Variants in NLK observed in about 807,000 individuals in gnomAD.
NLK encodes serine/threonine-protein kinase NLK.
A neutral mutation model predicts 59.0 loss-of-function variants in NLK; 11 were observed. That is an observed-to-expected ratio of 0.19 (90% CI 0.12 to 0.31). The LOEUF is 0.31. Ranked by LOEUF, NLK falls within the 10% of genes least tolerant of loss-of-function variation. The pLI, the probability that NLK is intolerant of heterozygous loss-of-function variation, is 1.00. For missense variants in NLK, 410 were observed against 661.1 expected, an observed-to-expected ratio of 0.62 and a Z score of 4.16; for synonymous variants, 235 against 235.9, an observed-to-expected ratio of 1.00 and a Z score of 0.03.
intron 1 of NLK, among the ~76,000 whole-genome samples, chr17:28,106,140 C>T (rs1905071618): frequency 6.6e-6 from 1 of 152,064 alleles, no homozygotes; most frequent in Non-Finnish European, 1.5e-5. Flanking sequence ...ATTTGAGTAC[C>T]TCACTCTACA....
chr17:28,163,405 G>A, intron 4 of NLK, 138 bp from the exon 5 acceptor site: 1 of 576,694 alleles, frequency 1.7e-6, no homozygotes, highest in Admixed American at 3.3e-5. Context: ...GGTGGGACTA[G>A]CTTTTAATAA....
At chr17:28,043,609 AG>A (rs1208042818) in intron 1 of NLK, among the ~76,000 whole-genome samples, 8 of 152,216 alleles carry the variant, frequency 5.3e-5, no homozygotes, top group South Asian at 2.1e-4. Flanking sequence ...CACTGAACAC[AG>A]GATCAGTAGA....
chr17:28,123,439 A>G (rs148984897), intron 2 of NLK, among the ~76,000 whole-genome samples: 4 of 152,348 alleles, frequency 2.6e-5, no homozygotes, highest in African/African-American at 9.6e-5. Flanking sequence ...AAGTGAATTC[A>G]AGTGAATTCT....
chr17:28,111,896 G>GTGTGGTGTGTGTGTGTGT (rs1394476582), intron 1 of NLK, among the ~76,000 whole-genome samples: 1 of 67,484 alleles, frequency 1.5e-5, no homozygotes, highest in African/African-American at 6.1e-5. Flanking sequence ...GTGTGTGTGT[G>GTGTGGTGTGTGTGTGTGT]GTGTGTGTGT....
intron 7 of NLK, among the ~76,000 whole-genome samples, chr17:28,174,363 G>T (rs1908591162): frequency 6.6e-6 from 1 of 151,916 alleles, no homozygotes; most frequent in Non-Finnish European, 1.5e-5. Flanking sequence ...TAATCCCTTT[G>T]CTTATCACTG....
chr17:28,062,372 C>A (rs1909692415), intron 1 of NLK, among the ~76,000 whole-genome samples: 1 of 152,118 alleles, frequency 6.6e-6, no homozygotes, highest in Admixed American at 6.5e-5. Flanking sequence ...CTTCATATAA[C>A]ACTTAGGAAG....
At chr17:28,159,937 C>T (rs1384507916) in intron 3 of NLK, among the ~76,000 whole-genome samples, 5 of 152,202 alleles carry the variant, frequency 3.3e-5, no homozygotes, top group Non-Finnish European at 7.4e-5. Flanking sequence ...AGGATAACTC[C>T]TTGATGTGGT....
Position 28,104,281 on chromosome 17 carries a change from G to A in NLK, c.459-18322G>A, listed in dbSNP as rs117741505. Among the ~76,000 whole-genome samples the A allele has an allele frequency of 1.6e-4, 24 of 152,194 alleles. No individual in the cohort carries two copies. In the East Asian group the frequency reaches 3.7e-3, roughly 23 times the overall value. Reference sequence around the variant, plus strand: ...GTTTTGTTTTTGTTTTTTTGAGACCGAGTCTCGCTGTCGCCCAGGCTAGAG... The same window carrying A: ...GTTTTGTTTTTGTTTTTTTGAGACCAAGTCTCGCTGTCGCCCAGGCTAGAG... On this transcript the variant is annotated intron_variant, in intron 1 of 10. Coordinates refer to ENST00000407008, the MANE Select transcript of NLK (RefSeq NM_016231.5).
chr17:28,122,933 C>A (rs991482199), intron 2 of NLK, among the ~76,000 whole-genome samples: 1 of 152,146 alleles, frequency 6.6e-6, no homozygotes, highest in Non-Finnish European at 1.5e-5. Flanking sequence ...TTCATACATT[C>A]TTATTGAAAG....
chr17:28,175,948 T>C (rs1054432234), intron 7 of NLK, among the ~76,000 whole-genome samples: 2 of 152,194 alleles, frequency 1.3e-5, no homozygotes, highest in Admixed American at 6.5e-5. Flanking sequence ...TTTATCTCAA[T>C]TGATGCAGAA....
intron 1 of NLK, among the ~76,000 whole-genome samples, chr17:28,093,176 G>A (rs549844729): frequency 6.4e-4 from 97 of 152,184 alleles, no homozygotes; most frequent in African/African-American, 2.2e-3. Flanking sequence ...AGTTGGGAGG[G>A]GAGTTGCAGG....
At chr17:28,163,769 C>G (rs1285789610) in intron 5 of NLK, 141 bp downstream of exon 5, 7 of 585,544 alleles carry the variant, frequency 1.2e-5, no homozygotes, top group African/African-American at 5.7e-5. Context: ...TATCACTACT[C>G]ATAGCCATGG....
chr17:28,088,723 T>A (rs1054753277), intron 1 of NLK, among the ~76,000 whole-genome samples: 1 of 152,196 alleles, frequency 6.6e-6, no homozygotes, highest in Admixed American at 6.5e-5. Flanking sequence ...TTGTCTAGAT[T>A]TGACAACATG....
chr17:28,189,512 A>G (rs1909238209), intron 8 of NLK, among the ~76,000 whole-genome samples: 1 of 152,230 alleles, frequency 6.6e-6, no homozygotes, highest in Admixed American at 6.5e-5. Context: ...TGTTGTTGGA[A>G]TGATCACTGT....
chr17:28,076,811 TGTCC>T (rs1910173226), intron 1 of NLK, among the ~76,000 whole-genome samples: 1 of 152,164 alleles, frequency 6.6e-6, no homozygotes, highest in South Asian at 2.1e-4. Context: ...TTTAAACATC[TGTCC>T]TAATCTAACC....
chr17:28,111,808 T>G (rs972018905), intron 1 of NLK, among the ~76,000 whole-genome samples: 1 of 151,402 alleles, frequency 6.6e-6, no homozygotes, highest in African/African-American at 2.4e-5. Flanking sequence ...GCTGAGTGGT[T>G]GGCTATTGGT....
At chr17:28,048,092 A>G (rs1909124520) in intron 1 of NLK, 2 of 396,286 alleles carry the variant, frequency 5.0e-6, no homozygotes, top group Non-Finnish European at 8.9e-6. Flanking sequence ...GAAACTAGAA[A>G]TGTGGAAATC....
chr17:28,105,360 T>G (rs1905040182), intron 1 of NLK, among the ~76,000 whole-genome samples: 1 of 152,172 alleles, frequency 6.6e-6, no homozygotes, highest in African/African-American at 2.4e-5. Context: ...ATGTATCCCT[T>G]TTTACCTGAG....
At chr17:28,167,110 C>T (rs1466109610) in intron 5 of NLK, among the ~76,000 whole-genome samples, 2 of 152,156 alleles carry the variant, frequency 1.3e-5, no homozygotes, top group Non-Finnish European at 2.9e-5. Context: ...TAAAGAAATT[C>T]ACATATATTT....
Sources: allele counts gnomAD v4.1 joint callset (sites outside exome capture counted in the v4.1 genomes callset), GRCh38; gene constraint gnomAD v4.1.1; transcripts MANE v1.5; gene names NCBI Gene and HGNC (gene_info 2026-07-23, HGNC 2026-07-21).